The following BRWD1 variants were observed in gnomAD, a reference collection of about 807,000 sequenced individuals.
The protein encoded by BRWD1 is bromodomain and WD repeat-containing protein 1.
In BRWD1, 82 loss-of-function variants were observed where a neutral mutation model predicts 251.2. The observed-to-expected ratio is 0.33, with a 90% CI of 0.27 to 0.39. The LOEUF (loss-of-function observed/expected upper bound fraction) is 0.39, where lower values mean the gene tolerates loss of function less well. Among genes scored for constraint, BRWD1 ranks in the 10% least tolerant of loss-of-function variants. The probability of loss-of-function intolerance (pLI) is 1.00; values close to 1 mark genes in which losing one functional copy is unlikely to be tolerated. For missense variants in BRWD1, 2,233 were observed against 2,711.6 expected (o/e 0.82, Z 3.92); for synonymous variants, 918 against 902.8 (o/e 1.02, Z -0.30).
At chr21:39,266,957 C>T (rs1433701760) in intron 15 of BRWD1, among the ~76,000 whole-genome samples, 1 of 152,060 alleles carries the variant, frequency 6.6e-6, no homozygotes, top group Non-Finnish European at 1.5e-5. Context: ...CTGCTTAAAG[C>T]CTAAATTAAT....
At position 39,204,769 on chromosome 21, in the gene BRWD1, A is replaced by C. The variant is rs1399633785; in HGVS notation, c.4364+1339T>G. Among the ~76,000 whole-genome samples, 3 of 152,164 alleles carry C rather than the reference A, an allele frequency of 2.0e-5. No homozygotes were observed. The South Asian group carries it at 6.2e-4, about 32-fold the overall frequency. ...TCCACCTCAGATCATCAGGCATTAG[A>C]TCCTCATAAGGAGCACACAACCTGG... On this transcript the variant is annotated intron_variant, in intron 37 of 40. Transcript: ENST00000342449.
intron 15 of BRWD1, among the ~76,000 whole-genome samples, chr21:39,265,886 A>G (rs2034903531): frequency 6.6e-6 from 1 of 152,268 alleles, no homozygotes; most frequent in African/African-American, 2.4e-5. Context: ...CTCTAAGTCT[A>G]TCATGAGTGT....
At chr21:39,255,344 G>A (rs2034528150) in intron 19 of BRWD1, among the ~76,000 whole-genome samples, 1 of 151,918 alleles carries the variant, frequency 6.6e-6, no homozygotes, top group South Asian at 2.1e-4. Context: ...CCCGGGAGGT[G>A]GAGGTTGCAG....
At position 39,199,588 on chromosome 21, in the gene BRWD1, T is replaced by A; in HGVS notation, c.4828A>T (p.Asn1610Tyr). Residue 1610 changes from asparagine to tyrosine, a missense_variant, in exon 40 of 41, where the codon AAT (asparagine) becomes TAT (tyrosine). By Grantham distance (143) the Asn-to-Tyr change is moderately radical. This residue lies in a region of BRWD1 where 928 missense variants were observed against 970.0 expected (regional missense o/e 0.96). Transcript: ENST00000342449. ...KRVYLSDSDN[N>Y]SLETGEILKA... ...AGAATTTCACCAGTCTCCAATGAAT[T>A]GTTATCAGAATCACTTAAATAGACT... The A allele has an allele frequency of 6.2e-7, 1 of 1,614,198 alleles. No individual in the cohort carries two copies. The highest frequency in any genetic ancestry group is 8.5e-7 in the Non-Finnish European group (1 of 1,180,028).
In BRWD1 at chr21:39,212,657, G is replaced by A; in HGVS notation, c.3900+9C>T. On this transcript the variant is annotated intron_variant, in intron 34 of 40. Transcript: ENST00000342449. ...AAACTACAAAAGTCAACCATGCAGAGTAACTTACTCTCCTCCTTCCAGAAG... is the reference window on the plus strand; with the variant it reads ...AAACTACAAAAGTCAACCATGCAGAATAACTTACTCTCCTCCTTCCAGAAG... 2 of 1,554,704 alleles carry A rather than the reference G, an allele frequency of 1.3e-6. No individual in the cohort carries two copies. The highest frequency in any genetic ancestry group is 8.8e-7 in the Non-Finnish European group (1 of 1,134,928).
Position 39,264,871 on chromosome 21 carries a change from A to C in BRWD1, c.1659+20T>G, listed in dbSNP as rs2034870843. 1.9e-6 allele frequency: 3 copies of C among 1,607,458 alleles called. No individual in the cohort carries two copies. Among genetic ancestry groups the C allele is most frequent in the Non-Finnish European group, 8.5e-7 (1 of 1,178,120 alleles). ...CTGATAACTATTACTTGCATGCTAC[A>C]ACAAAGTATTAAAAATGACCTTTTC... On this transcript the variant is annotated intron_variant, in intron 16 of 40. Transcript: ENST00000342449.
intron 32 of BRWD1, among the ~76,000 whole-genome samples, chr21:39,213,915 T>A (rs117691526): frequency 0.034 from 5,143 of 149,298 alleles, 125 homozygotes; most frequent in South Asian, 0.052. Flanking sequence ...GTAAAAAAAA[T>A]ATATATATAT....
chr21:39,258,727 A>T lies in BRWD1; in HGVS notation c.1886-55T>A, dbSNP rs2034642714. 7.0e-6 allele frequency: 9 copies of T among 1,287,240 alleles called. 1 individual carries two copies. The Admixed American group carries it at 1.4e-4, about 20-fold the overall frequency. The allele number at this position is 1,287,240 out of a possible 1,614,324, so 79.7% of individuals were successfully genotyped here. A position where few individuals can be genotyped will look rare whatever the true frequency, so the allele number is the denominator to read the frequency against. On this transcript the variant is annotated intron_variant, in intron 17 of 40. Transcript: ENST00000342449. ...ATATAAAAGCAGAAAACAAAAAAAA[A>T]TTTCGTTAGGGTACAAATTAAAATA...
rs1323661779 is a variant in BRWD1 at position 39,186,167 on chromosome 21, TAC to T, written c.*10090_*10091del. 6.6e-6 allele frequency: 1 copy of T among 152,216 alleles called. No homozygotes were observed. Among genetic ancestry groups the T allele is most frequent in the Non-Finnish European group, 1.5e-5 (1 of 68,016 alleles). The allele number at this position is 152,216 out of a possible 1,614,324, so 9.4% of individuals were successfully genotyped here. ...ATATGACTGTTTTGATCTTAAGCTA[TAC>T]ATTTTATTTTTATCTAACTGATTAA... On this transcript the variant is annotated 3_prime_UTR_variant, in exon 41 of 41. Coordinates refer to ENST00000342449, the MANE Select transcript of BRWD1 (RefSeq NM_033656.4).
At position 39,210,944 on chromosome 21, in the gene BRWD1, A is replaced by C. The variant is rs758272137; in HGVS notation, c.3901-15T>G. 5.0e-6 allele frequency: 8 copies of C among 1,606,686 alleles called. No individual in the cohort carries two copies. The highest frequency in any genetic ancestry group is 6.8e-6 in the Non-Finnish European group (8 of 1,178,096). On this transcript the variant is annotated splice_polypyrimidine_tract_variant and intron_variant, in intron 34 of 40. Coordinates refer to ENST00000342449, the MANE Select transcript of BRWD1 (RefSeq NM_033656.4). ...CCATCATGGACCTAAAAATACATTC[A>C]CAGTCTTAAGAAAAATCACACTATT...
chr21:39,208,311 C>CA (rs2032503053), intron 36 of BRWD1, among the ~76,000 whole-genome samples: 1 of 152,162 alleles, frequency 6.6e-6, no homozygotes, highest in Admixed American at 6.5e-5. Flanking sequence ...GTGACTTTGA[C>CA]AAAAATCCAA....
intron 15 of BRWD1, among the ~76,000 whole-genome samples, chr21:39,266,591 A>G (rs77602366): frequency 1.2e-3 from 190 of 152,352 alleles, no homozygotes; most frequent in African/African-American, 4.4e-3. Context: ...TGCTGAGATG[A>G]AAGTTTTCTC....
chr21:39,276,324 C>T (rs2035280771), intron 11 of BRWD1, 111 bp from the exon 12 acceptor site: 1 of 854,052 alleles, frequency 1.2e-6, no homozygotes, highest in Non-Finnish European at 1.7e-6. Flanking sequence ...GCAAAATTTG[C>T]ACTTGTGTTG....
intron 37 of BRWD1, among the ~76,000 whole-genome samples, chr21:39,202,778 T>C (rs2032176463): frequency 6.6e-6 from 1 of 152,220 alleles, no homozygotes; most frequent in African/African-American, 2.4e-5. Flanking sequence ...GAATCAATGT[T>C]CCAAGTAAGA....
At chr21:39,302,507 A>C (rs1196724451) in intron 4 of BRWD1, among the ~76,000 whole-genome samples, 1 of 152,144 alleles carries the variant, frequency 6.6e-6, no homozygotes, top group Non-Finnish European at 1.5e-5. Flanking sequence ...TTGTAATCTC[A>C]GCACTTTGGA....
At chr21:39,296,394 T>C in intron 5 of BRWD1, 31 bp from the exon 6 acceptor site, 5 of 1,521,792 alleles carry the variant, frequency 3.3e-6, no homozygotes, top group South Asian at 1.3e-5. Context: ...ACACATAAAA[T>C]CTTGAAAGTT....
intron 37 of BRWD1, among the ~76,000 whole-genome samples, chr21:39,203,379 C>T (rs982648523): frequency 9.4e-5 from 14 of 148,498 alleles, no homozygotes; most frequent in Admixed American, 6.7e-4. Context: ...CTTGACATTA[C>T]GATGACATTA....
chr21:39,279,371 G>A (rs539851540), intron 9 of BRWD1, among the ~76,000 whole-genome samples: 4 of 152,200 alleles, frequency 2.6e-5, no homozygotes, highest in Non-Finnish European at 4.4e-5. Context: ...AGGCGTGGTG[G>A]CTCACGCCTG....
At chr21:39,258,737 G>A in intron 17 of BRWD1, 65 bp from the exon 18 acceptor site, 28 of 1,185,786 alleles carry the variant, frequency 2.4e-5, no homozygotes, top group South Asian at 1.3e-4. Context: ...ATTTCGTTAG[G>A]GTACAAATTA....
Sources: allele counts gnomAD v4.1 joint callset (sites outside exome capture counted in the v4.1 genomes callset), GRCh38; gene constraint gnomAD v4.1.1; regional missense constraint gnomAD v4.1.1; transcripts MANE v1.5; gene names NCBI Gene and HGNC (gene_info 2026-07-23, HGNC 2026-07-21).